The following OSBP2 variants were observed in gnomAD, a reference collection of about 807,000 sequenced individuals.
The protein encoded by OSBP2 is oxysterol-binding protein 2.
OSBP2 carries 66 observed loss-of-function variants against 96.0 expected under a neutral mutation model. That is an observed-to-expected ratio of 0.69 (90% CI 0.56 to 0.84). The LOEUF (loss-of-function observed/expected upper bound fraction) is 0.84. Among genes scored for constraint, OSBP2 ranks in the 40% least tolerant of loss-of-function variants. The pLI is 0.00. For missense variants in OSBP2, 1,038 were observed against 1,222.7 expected (o/e 0.85, Z 2.25); for synonymous variants, 525 against 520.9 (o/e 1.01, Z -0.11).
rs536762644 is a variant in OSBP2 at position 30,812,784 on chromosome 22, A to C, written c.854-57645A>C. Among the ~76,000 whole-genome samples the C allele has an allele frequency of 2.0e-5, 3 of 151,610 alleles. No individual in the cohort carries two copies. In the East Asian group the frequency reaches 5.8e-4, roughly 29 times the overall value. On this transcript the variant is annotated intron_variant, in intron 2 of 13. Coordinates refer to ENST00000332585, the MANE Select transcript of OSBP2 (RefSeq NM_030758.4). ...CAGAGGCGACCCCATCATTCTTTTT[A>C]CTCCTTGTTACTCTGATGGGTGAAT...
rs982080330 is a variant in OSBP2 at position 30,822,622 on chromosome 22, C to T, written c.854-47807C>T. The T allele has an allele frequency of 2.6e-6, 4 of 1,530,830 alleles. No individual in the cohort carries two copies. The African/African-American group carries it at 5.5e-5, about 21-fold the overall frequency. 94.8% of individuals were successfully genotyped at this position (1,530,830 alleles called of 1,614,324 possible). On this transcript the variant is annotated intron_variant, in intron 2 of 13. Transcript: ENST00000332585. ...GCCCCGCCGATTGGAGGCTGCCCCG[C>T]CGCGGGAAATGAAGGGACGCGGCTG... is the stretch of plus-strand genomic sequence containing the variant.
chr22:30,700,737 C>T (rs2089144602), intron 1 of OSBP2, among the ~76,000 whole-genome samples: 1 of 152,022 alleles, frequency 6.6e-6, no homozygotes, highest in Admixed American at 6.6e-5. Flanking sequence ...GAATGCCTCC[C>T]AGAAATTAGC....
chr22:30,858,064 C>T (rs1298359840), intron 2 of OSBP2, among the ~76,000 whole-genome samples: 27 of 151,806 alleles, frequency 1.8e-4, no homozygotes. Context: ...CTAGGCCTCG[C>T]CAAGGGGGAC....
intron 2 of OSBP2, among the ~76,000 whole-genome samples, chr22:30,783,848 C>T (rs1210212866): frequency 1.3e-5 from 2 of 152,190 alleles, no homozygotes; most frequent in Non-Finnish European, 2.9e-5. Context: ...ACCCTGGAAG[C>T]TTCCTAGGGC....
intron 1 of OSBP2, among the ~76,000 whole-genome samples, chr22:30,725,549 A>AAC (rs879271384): frequency 5.1e-4 from 77 of 151,182 alleles, no homozygotes; most frequent in Non-Finnish European, 8.3e-4. Flanking sequence ...CAAAAACAAA[A>AAC]AAAAAAACAC....
At chr22:30,780,632 G>A (rs976116860) in intron 2 of OSBP2, among the ~76,000 whole-genome samples, 12 of 152,072 alleles carry the variant, frequency 7.9e-5, no homozygotes, top group African/African-American at 2.7e-4. Flanking sequence ...CGAGTAGCTG[G>A]GATTACAGGC....
chr22:30,779,361 A>G (rs2090482653), intron 2 of OSBP2, among the ~76,000 whole-genome samples: 2 of 151,230 alleles, frequency 1.3e-5, no homozygotes, highest in African/African-American at 4.9e-5. Context: ...TTTGCCTCCC[A>G]AAGTGCTGGG....
rs2039462312 is a variant in OSBP2, at chr22:30,871,680, CTAG to C, written c.1107+999_1107+1001del. Among the ~76,000 whole-genome samples the C allele has an allele frequency of 6.9e-6, 1 of 144,152 alleles. No individual in the cohort carries two copies. The highest frequency in any genetic ancestry group is 1.6e-5 in the Non-Finnish European group (1 of 64,138). The allele number at this position is 144,152 out of a possible 152,430, so 94.6% of individuals were successfully genotyped here. On this transcript the variant is annotated intron_variant, in intron 3 of 13. Transcript: ENST00000332585. This position sits in a 1 kb window ranked among gnomAD's most constrained non-coding sequence, Gnocchi z 4.7. ...CCAGCTGGGGGACCCAGCCCCCAAA[CTAG>C]GAGGTTAGACCAGGGCCGGACTGGG... is the stretch of plus-strand genomic sequence containing the variant.
At chr22:30,868,049 A>G (rs944434912) in intron 2 of OSBP2, among the ~76,000 whole-genome samples, 3 of 152,190 alleles carry the variant, frequency 2.0e-5, no homozygotes, top group African/African-American at 7.2e-5. Context: ...TCCTCACCTC[A>G]TGGCCCTGGG....
intron 1 of OSBP2, among the ~76,000 whole-genome samples, chr22:30,698,641 T>C (rs1386822203): frequency 6.6e-6 from 1 of 152,052 alleles, no homozygotes; most frequent in African/African-American, 2.4e-5. Flanking sequence ...GGTTTCACCA[T>C]ATTGGCCGGG....
At position 30,807,358 on chromosome 22, in the gene OSBP2, A is replaced by C. The variant is rs561166093; in HGVS notation, c.854-63071A>C. On this transcript the variant is annotated intron_variant, in intron 2 of 13. Transcript: ENST00000332585. ...TGCCACTGCCCTGATTGGGCTCCTC[A>C]TTACTGACTCTTTGCAAATGCCCTT... is the stretch of plus-strand genomic sequence containing the variant. Among the ~76,000 whole-genome samples the C allele has an allele frequency of 2.6e-5, 4 of 152,150 alleles. No individual in the cohort carries two copies. In the South Asian group the frequency reaches 6.2e-4, roughly 24 times the overall value.
At chr22:30,806,065 G>A (rs2090924054) in intron 2 of OSBP2, among the ~76,000 whole-genome samples, 2 of 152,184 alleles carry the variant, frequency 1.3e-5, no homozygotes, top group South Asian at 2.1e-4. Context: ...GCTTGTTTCA[G>A]GCCAGGCTTT....
intron 12 of OSBP2, among the ~76,000 whole-genome samples, chr22:30,895,667 G>A (rs2040047744): frequency 6.6e-6 from 1 of 152,116 alleles, no homozygotes; most frequent in South Asian, 2.1e-4. Flanking sequence ...GGCCTGGTGT[G>A]GTGGCTCACG....
intron 2 of OSBP2, among the ~76,000 whole-genome samples, chr22:30,817,797 A>G (rs574665492): frequency 6.6e-6 from 1 of 152,298 alleles, no homozygotes; most frequent in South Asian, 2.1e-4. Context: ...CTGTTGTTGG[A>G]GATAGACAAG....
intron 1 of OSBP2, among the ~76,000 whole-genome samples, chr22:30,725,559 C>A (rs1569097965): frequency 6.7e-6 from 1 of 149,886 alleles, no homozygotes; most frequent in Non-Finnish European, 1.5e-5. Context: ...AAAAAAAACA[C>A]ACAAAAAAAA....
At chr22:30,886,475 A>T (rs1349151557) in intron 3 of OSBP2, among the ~76,000 whole-genome samples, 2 of 150,610 alleles carry the variant, frequency 1.3e-5, no homozygotes, top group Non-Finnish European at 3.0e-5. Context: ...AGGTGCTAAG[A>T]CTCTTACTTC....
chr22:30,783,065 C>CTTTT (rs567123014), intron 2 of OSBP2, among the ~76,000 whole-genome samples: 15 of 104,126 alleles, frequency 1.4e-4, no homozygotes, highest in Non-Finnish European at 2.3e-4. Flanking sequence ...GAACCTGTGG[C>CTTTT]TTTTTTTTTT....
At chr22:30,757,466 G>A (rs979119924) in intron 2 of OSBP2, among the ~76,000 whole-genome samples, 1 of 151,710 alleles carries the variant, frequency 6.6e-6, no homozygotes, top group African/African-American at 2.4e-5. Context: ...CGCCCAAGCT[G>A]GAGTACAATG....
At chr22:30,817,246 A>G (rs2091093777) in intron 2 of OSBP2, among the ~76,000 whole-genome samples, 1 of 152,228 alleles carries the variant, frequency 6.6e-6, no homozygotes, top group Non-Finnish European at 1.5e-5. Context: ...CTTCATTCTT[A>G]AGATAGCCCC....
Sources: gnomAD v4.1 joint callset for allele counts (sites outside exome capture counted in the v4.1 genomes callset) on GRCh38, gnomAD v4.1.1 for gene constraint, Gnocchi (gnomAD v3.1) non-coding constraint, MANE v1.5 for transcripts, NCBI Gene and HGNC (gene_info 2026-07-23, HGNC 2026-07-21) for gene names.